HECW1: variants seen among roughly 807,000 people sequenced by gnomAD.
HECW1 encodes E3 ubiquitin-protein ligase HECW1.
In HECW1, 61 loss-of-function variants were observed where a neutral mutation model predicts 182.3. The ratio of observed to expected loss-of-function variants is 0.33; its 90% confidence interval spans 0.27 to 0.41. The LOEUF is 0.41. Ranked by LOEUF, HECW1 falls within the 10% of genes least tolerant of loss-of-function variation. The pLI, the probability that HECW1 is intolerant of heterozygous loss-of-function variation, is 1.00. For synonymous variants in HECW1, 859 were observed against 832.6 expected (o/e 1.03, Z -0.55); for missense variants, 1,739 against 2,108.9 (o/e 0.82, Z 3.44).
In HECW1 at chr7:43,444,585, G is replaced by A. The variant is rs755157279; in HGVS notation, c.1413G>A (p.Leu471=). ...ACCTGGGTGAGGAGGCATCAGCACTGCTGCTGGAAGACGGTGAAGCCCCAG... is the reference window on the plus strand; with the variant it reads ...ACCTGGGTGAGGAGGCATCAGCACTACTGCTGGAAGACGGTGAAGCCCCAG... The part of the protein sequence containing the change: ...QLDLGEEASA[L]LLEDGEAPAS... Residue 471 remains leucine (L), a synonymous_variant, in exon 11 of 30, where the codon CTG becomes CTA. Coordinates refer to ENST00000395891, the MANE Select transcript of HECW1 (RefSeq NM_015052.5). The surrounding 1 kb of genome is among the most constrained non-coding windows in gnomAD (Gnocchi z 4.3). 3.7e-6 allele frequency: 6 copies of A among 1,610,784 alleles called. No homozygotes were observed. The highest frequency in any genetic ancestry group is 5.1e-6 in the Non-Finnish European group (6 of 1,178,820).
intron 2 of HECW1, among the ~76,000 whole-genome samples, chr7:43,187,314 G>A (rs1388336116): frequency 6.6e-6 from 1 of 150,516 alleles, no homozygotes; most frequent in African/African-American, 2.5e-5. Context: ...CTAGAAGTGA[G>A]TCACTAAGTG....
intron 3 of HECW1, among the ~76,000 whole-genome samples, chr7:43,307,895 TACAC>T (rs1177932657): frequency 6.7e-3 from 356 of 52,992 alleles, no homozygotes; most frequent in East Asian, 0.014. Flanking sequence ...TATATATATA[TACAC>T]ATATATATAT....
At chr7:43,418,718 T>G (rs181183746) in intron 8 of HECW1, among the ~76,000 whole-genome samples, 2,124 of 152,316 alleles carry the variant, frequency 0.014, 23 homozygotes, top group Non-Finnish European at 0.023. Context: ...ATATTCATCA[T>G]AAGTTAATAT....
chr7:43,319,312 G>A (rs1223256416), intron 4 of HECW1, among the ~76,000 whole-genome samples: 5 of 146,240 alleles, frequency 3.4e-5, no homozygotes, highest in Admixed American at 2.1e-4. Flanking sequence ...GCGTGAACCC[G>A]GGAAGCGGAG....
intron 2 of HECW1, among the ~76,000 whole-genome samples, chr7:43,226,060 T>G (rs1314750085): frequency 2.0e-5 from 3 of 152,196 alleles, no homozygotes; most frequent in Admixed American, 2.0e-4. Context: ...GGTGTCACCA[T>G]GCCTGGCCAG....
At position 43,564,605 on chromosome 7, in the gene HECW1, G is replaced by A. The variant is rs573367784; in HGVS notation, c.*2679G>A. 2.2e-5 allele frequency: 4 copies of A among 183,304 alleles called. No individual in the cohort carries two copies. In the East Asian group the frequency reaches 2.7e-4, roughly 12 times the overall value. The allele number at this position is 183,304 out of a possible 1,614,324, so 11.4% of individuals were successfully genotyped here. On this transcript the variant is annotated 3_prime_UTR_variant, in exon 30 of 30. Coordinates refer to ENST00000395891, the MANE Select transcript of HECW1 (RefSeq NM_015052.5). ...TTTCATGAAGAAATGCTGATGTCAC[G>A]GTCACCTGAAAGAAGATGAAGCTTG...
chr7:43,181,057 A>G (rs182985393), intron 2 of HECW1, among the ~76,000 whole-genome samples: 1 of 151,202 alleles, frequency 6.6e-6, no homozygotes, highest in Admixed American at 6.6e-5. Flanking sequence ...CTTCTATGAG[A>G]TCAACTTTTT....
intron 29 of HECW1, among the ~76,000 whole-genome samples, chr7:43,555,399 C>G (rs1026043007): frequency 6.6e-6 from 1 of 152,190 alleles, no homozygotes; most frequent in African/African-American, 2.4e-5. Flanking sequence ...CCAGCACTTC[C>G]TGAATCCTTT....
rs202125340 is a variant in HECW1, at chr7:43,501,829, TA to T, written c.3631+516del. On this transcript the variant is annotated intron_variant, in intron 21 of 29. Transcript: ENST00000395891. The stretch of plus-strand genomic sequence containing the variant: ...CCATACAACAAAGAGAGTCCCTATC[TA>T]AAAAAAAATAAAAAAGAAAGAAAGA... Among the ~76,000 whole-genome samples, 3 of 148,316 alleles carry T rather than the reference TA, an allele frequency of 2.0e-5. No individual in the cohort carries two copies. In the East Asian group the frequency reaches 5.9e-4, roughly 29 times the overall value.
At chr7:43,308,675 G>T (rs1808108145) in intron 3 of HECW1, among the ~76,000 whole-genome samples, 1 of 150,350 alleles carries the variant, frequency 6.7e-6, no homozygotes, top group Non-Finnish European at 1.5e-5. Flanking sequence ...GCCCAGGAGT[G>T]CAGTGGCACA....
chr7:43,358,258 CAG>C lies in HECW1; in HGVS notation c.461-2625_461-2624del, dbSNP rs143319472. ...TAGATAGATGGCTTACTGCTTTATT[CAG>C]AGTCCTTCCCTGATCCCTGACTTAT... On this transcript the variant is annotated intron_variant, in intron 5 of 29. Coordinates refer to ENST00000395891, the MANE Select transcript of HECW1 (RefSeq NM_015052.5). Among the ~76,000 whole-genome samples the C allele has an allele frequency of 5.9e-3, 900 of 152,294 alleles. 5 individuals are homozygous for C. The highest frequency in any genetic ancestry group is 0.031 in the Middle Eastern group (9 of 294).
chr7:43,354,021 C>G (rs1215711389), intron 5 of HECW1, among the ~76,000 whole-genome samples: 1 of 152,054 alleles, frequency 6.6e-6, no homozygotes, highest in African/African-American at 2.4e-5. Context: ...GGGACCTCCT[C>G]CATTCAGGAT....
intron 3 of HECW1, among the ~76,000 whole-genome samples, chr7:43,284,502 C>CAAAAAAAAAAAAAAA (rs1165081149): frequency 1.9e-5 from 1 of 53,786 alleles, no homozygotes; most frequent in African/African-American, 5.0e-5. Flanking sequence ...CCCATTTCTA[C>CAAAAAAAAAAAAAAA]AAAAAAAAAA....
chr7:43,294,030 C>T (rs1324690938), intron 3 of HECW1, among the ~76,000 whole-genome samples: 1 of 152,160 alleles, frequency 6.6e-6, no homozygotes, highest in Non-Finnish European at 1.5e-5. Context: ...ATTTTGAAAA[C>T]ACCCCCCACC....
At chr7:43,264,053 C>T (rs538257666) in intron 3 of HECW1, among the ~76,000 whole-genome samples, 87 of 152,134 alleles carry the variant, frequency 5.7e-4, no homozygotes, top group Non-Finnish European at 1.1e-3. Context: ...TTCAGACAAG[C>T]TAATTAATAT....
At chr7:43,438,569 A>G (rs1389415956) in intron 9 of HECW1, 1 of 152,782 alleles carries the variant, frequency 6.5e-6, no homozygotes, top group East Asian at 1.9e-4. Context: ...ACTACTGTAG[A>G]GTTTCTTACT....
At position 43,281,170 on chromosome 7, in the gene HECW1, A is replaced by C. The variant is rs75640263; in HGVS notation, c.28-30593A>C. The stretch of plus-strand genomic sequence containing the variant: ...GCAAGTGGCAAAGAGCACTGCTGAG[A>C]GTCCCTTCAGCAGCCTTTGGCCCTG... On this transcript the variant is annotated intron_variant, in intron 3 of 29. Transcript: ENST00000395891. Among the ~76,000 whole-genome samples the C allele has an allele frequency of 9.6e-3, 1,457 of 152,256 alleles. 30 individuals are homozygous for C. The highest frequency in any genetic ancestry group is 0.033 in the African/African-American group (1,373 of 41,546).
chr7:43,213,321 T>C (rs373708317), intron 2 of HECW1, among the ~76,000 whole-genome samples: 1 of 152,144 alleles, frequency 6.6e-6, no homozygotes, highest in Non-Finnish European at 1.5e-5. Context: ...TTATCATAAA[T>C]GACATGTGCT....
At chr7:43,178,818 G>T (rs1189180539) in intron 2 of HECW1, among the ~76,000 whole-genome samples, 5 of 152,186 alleles carry the variant, frequency 3.3e-5, no homozygotes, top group Non-Finnish European at 5.9e-5. Flanking sequence ...AGCCCACTTG[G>T]ACCTTCAAGG....
Sources: gnomAD v4.1 joint callset for allele counts (sites outside exome capture counted in the v4.1 genomes callset) on GRCh38, gnomAD v4.1.1 for gene constraint, Gnocchi (gnomAD v3.1) non-coding constraint, MANE v1.5 for transcripts, NCBI Gene and HGNC (gene_info 2026-07-23, HGNC 2026-07-21) for gene names.